Variants in SP4 observed in about 807,000 individuals in gnomAD.
SP4 encodes the protein Sp4 transcription factor, also known as transcription factor Sp4.
Under a neutral mutation model 72.8 loss-of-function variants are expected in SP4, and 19 were observed. That is an observed-to-expected ratio of 0.26 (90% CI 0.18 to 0.38). SP4 has a LOEUF of 0.38. SP4 is among the 10% of genes least tolerant of loss of function. SP4 has a pLI of 1.00. For synonymous variants in SP4, 395 were observed against 333.1 expected, an observed-to-expected ratio of 1.19 and a Z score of -2.02; for missense variants, 1,008 against 926.3, an observed-to-expected ratio of 1.09 and a Z score of -1.14.
At chr7:21,458,718 C>T (rs750832265) in intron 3 of SP4, among the ~76,000 whole-genome samples, 2 of 152,114 alleles carry the variant, frequency 1.3e-5, no homozygotes, top group African/African-American at 4.8e-5. Context: ...TTCCCTACTA[C>T]TGAAGATAGA....
At chr7:21,442,646 A>G (rs1275364491) in intron 3 of SP4, among the ~76,000 whole-genome samples, 1 of 152,220 alleles carries the variant, frequency 6.6e-6, no homozygotes, top group African/African-American at 2.4e-5. Flanking sequence ...TCAAAGGATG[A>G]CTAAAAAGTT....
At position 21,511,170 on chromosome 7, in the gene SP4, A is replaced by G; in HGVS notation, c.2256A>G (p.Thr752=). 6.2e-7 allele frequency: 1 copy of G among 1,614,208 alleles called. No individual in the cohort carries two copies. Among genetic ancestry groups the G allele is most frequent in the Non-Finnish European group, 8.5e-7 (1 of 1,180,014 alleles). ...VTSGELDSSV[T]EVLGSPRIVT... ...CGGGAGAACTGGACTCATCTGTTACAGAGGTGCTTGGCTCCCCAAGAATTG... is the reference window on the plus strand; with the variant it reads ...CGGGAGAACTGGACTCATCTGTTACGGAGGTGCTTGGCTCCCCAAGAATTG... Residue 752 remains threonine, a synonymous_variant, in exon 6 of 6, where the codon ACA becomes ACG. Coordinates refer to ENST00000222584, the MANE Select transcript of SP4 (RefSeq NM_003112.5).
At chr7:21,472,274 A>ATTGT (rs141136006) in intron 3 of SP4, among the ~76,000 whole-genome samples, 46,364 of 151,002 alleles carry the variant, frequency 0.31, 8,498 homozygotes, top group Non-Finnish European at 0.42. Context: ...ATTTTGTTTG[A>ATTGT]TTGTTTGTTT....
chr7:21,506,069 C>T (rs1231738798), intron 5 of SP4, among the ~76,000 whole-genome samples: 1 of 152,160 alleles, frequency 6.6e-6, no homozygotes, highest in Admixed American at 6.5e-5. Context: ...ACAATCAGGT[C>T]TCGACACAGG....
Position 21,482,750 on chromosome 7 carries a change from T to A in SP4, c.2107+627T>A, listed in dbSNP as rs1027996747. On this transcript the variant is annotated intron_variant, in intron 5 of 5. Coordinates refer to ENST00000222584, the MANE Select transcript of SP4 (RefSeq NM_003112.5). ...GATTAATGGATCTACATAAAAAATG[T>A]TTTGTGTGTGTTATGAAATGTTACA... is the stretch of plus-strand genomic sequence containing the variant. 3.1e-6 allele frequency: 3 copies of A among 980,556 alleles called. No individual in the cohort carries two copies. The African/African-American group carries it at 5.3e-5, about 17-fold the overall frequency. 60.7% of individuals were successfully genotyped at this position (980,556 alleles called of 1,614,324 possible).
rs1782225030 is a variant in SP4 at position 21,514,662 on chromosome 7, A to G, written c.*3393A>G. 1 of 152,174 alleles carries G rather than the reference A, an allele frequency of 6.6e-6. No homozygotes were observed. Among genetic ancestry groups the G allele is most frequent in the Non-Finnish European group, 1.5e-5 (1 of 68,038 alleles). 9.4% of individuals were successfully genotyped at this position (152,174 alleles called of 1,614,324 possible). ...TGACATTTTTACAGTGCTGATTTGT[A>G]TAAAATTTGTTTTTTGTGGATTTGG... On this transcript the variant is annotated 3_prime_UTR_variant, in exon 6 of 6. Transcript: ENST00000222584.
At position 21,430,738 on chromosome 7, in the gene SP4, G is replaced by A; in HGVS notation, c.1573G>A (p.Ala525Thr). 1 of 1,614,194 alleles carries A rather than the reference G, an allele frequency of 6.2e-7. No homozygotes were observed. The highest frequency in any genetic ancestry group is 8.5e-7 in the Non-Finnish European group (1 of 1,180,034). The change falls in exon 3 of 6, where the codon GCC (alanine) becomes ACC (threonine). Residue 525 changes from alanine to threonine, a missense_variant. Coordinates refer to ENST00000222584, the MANE Select transcript of SP4 (RefSeq NM_003112.5). ...TGGTGCCCCAATAACTTTGAATACT[G>A]CCCAGCTTGCATCAGTGCCTAACCT... Reference protein sequence around the residue: ...VAGAPITLNTAQLASVPNLQT... With the variant: ...VAGAPITLNTTQLASVPNLQT...
rs1240177788 is a variant in SP4, at chr7:21,461,015, T to C, written c.1679-16064T>C. Among the ~76,000 whole-genome samples, 9 of 152,198 alleles carry C rather than the reference T, an allele frequency of 5.9e-5. No individual in the cohort carries two copies. The East Asian group carries it at 1.2e-3, about 20-fold the overall frequency. On this transcript the variant is annotated intron_variant, in intron 3 of 5. Coordinates refer to ENST00000222584, the MANE Select transcript of SP4 (RefSeq NM_003112.5). ...CCTTGAGCTAGACACAGAGTGCTGA[T>C]TGGTGTGTTTACAAACCTTGAGCTA...
rs893572153 is a variant in SP4 at position 21,512,094 on chromosome 7, C to A, written c.*825C>A. 2 of 152,500 alleles carry A rather than the reference C, an allele frequency of 1.3e-5. No homozygotes were observed. Among genetic ancestry groups the A allele is most frequent in the African/African-American group, 4.8e-5 (2 of 41,400 alleles). 9.4% of individuals were successfully genotyped at this position (152,500 alleles called of 1,614,324 possible). On this transcript the variant is annotated 3_prime_UTR_variant, in exon 6 of 6. Coordinates refer to ENST00000222584, the MANE Select transcript of SP4 (RefSeq NM_003112.5). Reference sequence around the variant, plus strand: ...AAGTTAGGATTGATTATATTCCTAACCCTAGGTTGAACCACAAAATTTCAT... The same window carrying A: ...AAGTTAGGATTGATTATATTCCTAAACCTAGGTTGAACCACAAAATTTCAT...
chr7:21,501,230 T>TGAC (rs966919330), intron 5 of SP4, among the ~76,000 whole-genome samples: 2 of 152,210 alleles, frequency 1.3e-5, no homozygotes, highest in African/African-American at 4.8e-5. Context: ...TTGCTCATTG[T>TGAC]GACCTTCTAG....
intron 5 of SP4, among the ~76,000 whole-genome samples, chr7:21,500,467 A>G (rs1459865669): frequency 6.6e-6 from 1 of 152,224 alleles, no homozygotes; most frequent in African/African-American, 2.4e-5. Flanking sequence ...TGCTCTGCTC[A>G]GTTTCTCACA....
At chr7:21,480,374 A>G (rs1371603407) in intron 4 of SP4, among the ~76,000 whole-genome samples, 1 of 152,144 alleles carries the variant, frequency 6.6e-6, no homozygotes, top group Non-Finnish European at 1.5e-5. Context: ...TCTTATGGGT[A>G]GTTTTAATTA....
chr7:21,452,237 G>C (rs1562595775), intron 3 of SP4, among the ~76,000 whole-genome samples: 1 of 152,182 alleles, frequency 6.6e-6, no homozygotes, highest in South Asian at 2.1e-4. Context: ...CTTTAGTTCT[G>C]TTATACTTGG....
chr7:21,464,581 A>AT (rs11299447), intron 3 of SP4, among the ~76,000 whole-genome samples: 16,119 of 142,302 alleles, frequency 0.11, 1,808 homozygotes, highest in East Asian at 0.54. Context: ...TCTATTTTCT[A>AT]TTTTTTTTTT....
intron 3 of SP4, among the ~76,000 whole-genome samples, chr7:21,450,975 G>A (rs1331597796): frequency 6.6e-6 from 1 of 152,196 alleles, no homozygotes; most frequent in African/African-American, 2.4e-5. Flanking sequence ...TCAAGTGTGT[G>A]GTTTGACCTT....
intron 5 of SP4, among the ~76,000 whole-genome samples, chr7:21,502,022 G>GCCTTAAAT (rs1167390988): frequency 2.1e-5 from 3 of 143,724 alleles, no homozygotes; most frequent in Non-Finnish European, 4.4e-5. Context: ...TTGGTTTCGG[G>GCCTTAAAT]CCTTAAATTC....
intron 3 of SP4, among the ~76,000 whole-genome samples, chr7:21,466,012 G>A (rs779373569): frequency 1.2e-4 from 19 of 152,060 alleles, no homozygotes; most frequent in Non-Finnish European, 2.2e-4. Flanking sequence ...CTTCCCATTT[G>A]CCTTTATTCT....
At chr7:21,434,328 A>G (rs1782975266) in intron 3 of SP4, among the ~76,000 whole-genome samples, 2 of 152,202 alleles carry the variant, frequency 1.3e-5, no homozygotes, top group Admixed American at 1.3e-4. Context: ...AGAAAAAAGT[A>G]AAATCATACA....
rs1782193800 is a variant in SP4, at chr7:21,513,272, A to G, written c.*2003A>G. The stretch of plus-strand genomic sequence containing the variant: ...AAGGTCTTTTGTGCTTTCAGTTTGT[A>G]TAAAAAAGCTTTGAGATTAAAGGAA... On this transcript the variant is annotated 3_prime_UTR_variant, in exon 6 of 6. Coordinates refer to ENST00000222584, the MANE Select transcript of SP4 (RefSeq NM_003112.5). The G allele has an allele frequency of 1.3e-5, 2 of 152,486 alleles. No homozygotes were observed. Among genetic ancestry groups the G allele is most frequent in the African/African-American group, 4.8e-5 (2 of 41,354 alleles). The allele number at this position is 152,486 out of a possible 1,614,324, so 9.4% of individuals were successfully genotyped here.
Sources: gnomAD v4.1 joint callset for allele counts (sites outside exome capture counted in the v4.1 genomes callset) on GRCh38, gnomAD v4.1.1 for gene constraint, MANE v1.5 for transcripts, NCBI Gene and HGNC (gene_info 2026-07-23, HGNC 2026-07-21) for gene names.